The following KATNAL1 variants were observed in gnomAD, a reference collection of about 807,000 sequenced individuals.
KATNAL1 encodes katanin catalytic subunit A1 like 1, also known as katanin p60 ATPase-containing subunit A-like 1.
KATNAL1 carries 32 observed loss-of-function variants against 55.2 expected under a neutral mutation model. The ratio of observed to expected loss-of-function variants is 0.58; its 90% CI spans 0.44 to 0.78. The LOEUF (loss-of-function observed/expected upper bound fraction) is 0.78, where lower values mean the gene tolerates loss of function less well. KATNAL1 is among the 30% of genes least tolerant of loss of function. The pLI, the probability that KATNAL1 is intolerant of heterozygous loss-of-function variation, is 0.00. For missense variants in KATNAL1, 466 were observed against 600.9 expected (o/e 0.78, Z 2.35); for synonymous variants, 193 against 193.6 (o/e 1.00, Z 0.02).
intron 1 of KATNAL1, among the ~76,000 whole-genome samples, chr13:30,287,781 T>C (rs1293941897): frequency 6.6e-6 from 1 of 152,174 alleles, no homozygotes; most frequent in Non-Finnish European, 1.5e-5. Flanking sequence ...TAAATCCTAC[T>C]TACAAATACA....
In KATNAL1 at chr13:30,247,073, T is replaced by C. The variant is rs186526480; in HGVS notation, c.493-5987A>G. Among the ~76,000 whole-genome samples, 7 of 152,228 alleles carry C rather than the reference T, an allele frequency of 4.6e-5. No homozygotes were observed. In the East Asian group the frequency reaches 1.2e-3, roughly 25 times the overall value. On this transcript the variant is annotated intron_variant, in intron 4 of 10. Transcript: ENST00000380615. ...ACTCTTATTATTTCCATCTCATAGA[T>C]GAGAAAACCAAGGCACAGAAAAGGT...
chr13:30,209,210 A>G (rs1446653880), intron 10 of KATNAL1, among the ~76,000 whole-genome samples: 2 of 152,198 alleles, frequency 1.3e-5, no homozygotes, highest in Admixed American at 6.5e-5. Context: ...AATTCCCTAC[A>G]TGGAGTATTT....
intron 3 of KATNAL1, among the ~76,000 whole-genome samples, chr13:30,270,523 G>A (rs550464356): frequency 1.9e-4 from 29 of 152,272 alleles, no homozygotes; most frequent in African/African-American, 6.5e-4. Context: ...GATGGTTGCC[G>A]TGTCTGTGTA....
rs189199444 is a variant in KATNAL1 at position 30,233,528 on chromosome 13, T to C, written c.727-2056A>G. On this transcript the variant is annotated intron_variant, in intron 6 of 10. Transcript: ENST00000380615. ...GTGGGAGCCACTGTGGAAAACTGTG[T>C]GGAGGTTCCTCAAAAAACTAAAAGC... Among the ~76,000 whole-genome samples the C allele has an allele frequency of 2.5e-4, 38 of 151,668 alleles. No homozygotes were observed. The East Asian group carries it at 6.4e-3, about 26-fold the overall frequency.
At chr13:30,275,863 A>G (rs1880802741) in intron 3 of KATNAL1, among the ~76,000 whole-genome samples, 1 of 152,124 alleles carries the variant, frequency 6.6e-6, no homozygotes, top group Non-Finnish European at 1.5e-5. Flanking sequence ...ACCTCAATAA[A>G]GTTGGGGGAA....
At chr13:30,279,987 A>G in intron 3 of KATNAL1, 76 bp downstream of exon 3, 2 of 1,305,378 alleles carry the variant, frequency 1.5e-6, no homozygotes, top group Non-Finnish European at 2.1e-6. Context: ...AATTTTTCAT[A>G]CTTTGTTCAA....
At chr13:30,240,421 T>G (rs779897426) in intron 6 of KATNAL1, 39 bp downstream of exon 6, 15 of 1,338,504 alleles carry the variant, frequency 1.1e-5, no homozygotes, top group Admixed American at 1.7e-5. Context: ...CAGTGCCAAG[T>G]AGCATTCTTA....
At position 30,228,667 on chromosome 13, in the gene KATNAL1, A is replaced by G. The variant is rs372481031; in HGVS notation, c.1013-1121T>C. Among the ~76,000 whole-genome samples the G allele has an allele frequency of 3.9e-5, 6 of 152,382 alleles. No homozygotes were observed. The East Asian group carries it at 1.2e-3, about 29-fold the overall frequency. ...CTCACTGAGGGAAGGGTCTCATAGT[A>G]CATTGTAAGTATTCAGTAAGTATCC... On this transcript the variant is annotated intron_variant, in intron 8 of 10. Transcript: ENST00000380615.
At chr13:30,303,274 A>C (rs1882975313) in intron 1 of KATNAL1, among the ~76,000 whole-genome samples, 1 of 152,226 alleles carries the variant, frequency 6.6e-6, no homozygotes, top group Non-Finnish European at 1.5e-5. Context: ...CATTTTTTTT[A>C]AACTACTCTC....
At chr13:30,240,811 G>C (rs1185592212) in intron 5 of KATNAL1, 148 bp downstream of exon 5, 1 of 809,214 alleles carries the variant, frequency 1.2e-6, no homozygotes, top group African/African-American at 1.7e-5. Context: ...GGTTACATTC[G>C]ACAGAACTGT....
intron 9 of KATNAL1, among the ~76,000 whole-genome samples, chr13:30,212,061 A>C (rs1873743190): frequency 6.6e-6 from 1 of 152,248 alleles, no homozygotes; most frequent in South Asian, 2.1e-4. Context: ...GTGCACAAAA[A>C]TCAGTGCCAG....
chr13:30,285,279 T>G (rs1022779249), intron 1 of KATNAL1, among the ~76,000 whole-genome samples: 1 of 152,058 alleles, frequency 6.6e-6, no homozygotes, highest in African/African-American at 2.4e-5. Context: ...CTAATACGGG[T>G]TGGCTCTGTG....
intron 6 of KATNAL1, among the ~76,000 whole-genome samples, chr13:30,239,842 C>T (rs900327232): frequency 1.3e-5 from 2 of 151,822 alleles, no homozygotes; most frequent in East Asian, 1.9e-4. Flanking sequence ...TGCACCACCA[C>T]GCCCAGCTAA....
chr13:30,222,704 C>G (rs1028188727), intron 9 of KATNAL1, among the ~76,000 whole-genome samples: 1 of 152,116 alleles, frequency 6.6e-6, no homozygotes, highest in African/African-American at 2.4e-5. Context: ...AAGGGGGGTA[C>G]AGAGAAACAA....
Position 30,255,623 on chromosome 13 carries a change from A to C in KATNAL1, c.324-8T>G. Reference sequence around the variant, plus strand: ...CTGATCTGAGGTGGAGCTCTGACAAAAAAAAAAAAAAAAAAATTAAAATTA... The same window carrying C: ...CTGATCTGAGGTGGAGCTCTGACAACAAAAAAAAAAAAAAAATTAAAATTA... On this transcript the variant is annotated splice_region_variant and splice_polypyrimidine_tract_variant and intron_variant, in intron 3 of 10. Transcript: ENST00000380615. The C allele has an allele frequency of 6.0e-6, 5 of 834,014 alleles. No individual in the cohort carries two copies. The highest frequency in any genetic ancestry group is 8.2e-6 in the Non-Finnish European group (5 of 609,940). The allele number at this position is 834,014 out of a possible 1,614,324, so 51.7% of individuals were successfully genotyped here. A position where few individuals can be genotyped will look rare whatever the true frequency, so the allele number is the denominator to read the frequency against.
rs1883246167 is a variant in KATNAL1, at chr13:30,307,329, A to C, written c.-15+2T>G. The C allele has an allele frequency of 6.5e-6, 1 of 153,132 alleles. No individual in the cohort carries two copies. Among genetic ancestry groups the C allele is most frequent in the Admixed American group, 6.5e-5 (1 of 15,288 alleles). The allele number at this position is 153,132 out of a possible 1,614,324, so 9.5% of individuals were successfully genotyped here. On this transcript the variant is annotated splice_donor_variant, in intron 1 of 10. Coordinates refer to ENST00000380615, the MANE Select transcript of KATNAL1 (RefSeq NM_032116.5). LOFTEE classifies it low-confidence loss of function (5UTR_SPLICE). ...CTCGCCCCTTTCTCTCGGATTCATTACCCAGAAGGCGCAGGTCCGGGCACA... is the reference window on the plus strand; with the variant it reads ...CTCGCCCCTTTCTCTCGGATTCATTCCCCAGAAGGCGCAGGTCCGGGCACA...
In KATNAL1 at chr13:30,231,370, G is replaced by C. The variant is rs368172466; in HGVS notation, c.829C>G (p.Leu277Val). ...TTFFNVSSST[L>V]TSKYRGESEK... ...GATTCACCTCTGTATTTAGATGTCAGTGTAGAAGACGAAACGTTGAAGAAT... is the reference window on the plus strand; with the variant it reads ...GATTCACCTCTGTATTTAGATGTCACTGTAGAAGACGAAACGTTGAAGAAT... The change falls in exon 7 of 11, where the codon CTG (leucine) becomes GTG (valine). Residue 277 changes from leucine (L) to valine (V), a missense_variant. This residue lies in a region of KATNAL1 where 213 missense variants were observed against 308.6 expected (regional missense o/e 0.69). Coordinates refer to ENST00000380615, the MANE Select transcript of KATNAL1 (RefSeq NM_032116.5). The C allele has an allele frequency of 1.9e-5, 30 of 1,609,840 alleles. No individual in the cohort carries two copies. The highest frequency in any genetic ancestry group is 2.1e-5 in the Non-Finnish European group (25 of 1,178,020).
Position 30,227,429 on chromosome 13 carries a change from T to C in KATNAL1, c.1130A>G (p.Tyr377Cys). 6 of 1,613,996 alleles carry C rather than the reference T, an allele frequency of 3.7e-6. No individual in the cohort carries two copies. The highest frequency in any genetic ancestry group is 5.1e-6 in the Non-Finnish European group (6 of 1,179,922). The part of the protein sequence containing the change: ...ALRRRLEKRI[Y>C]IPLPTAKGRA... ...CATCATACCTGTTGGGAGAGGTATA[T>C]ATATCCTTTTTTCTAACCTTCTTCG... The change falls in exon 9 of 11, where the codon TAT becomes TGT. Residue 377 changes from tyrosine (Y) to cysteine (C), a missense_variant. Tyr to Cys is a radical substitution (Grantham distance 194). Around this residue, in one of 3 missense-constraint regions of KATNAL1, gnomAD observed 213 missense variants for 308.6 expected, o/e 0.69. Transcript: ENST00000380615.
chr13:30,264,191 G>A (rs1879549826), intron 3 of KATNAL1, among the ~76,000 whole-genome samples: 1 of 150,490 alleles, frequency 6.6e-6, no homozygotes, highest in African/African-American at 2.4e-5. Flanking sequence ...AGCTGAAACT[G>A]GATCCCTTCC....
Sources: gnomAD v4.1 joint callset for allele counts (sites outside exome capture counted in the v4.1 genomes callset) on GRCh38, gnomAD v4.1.1 for gene constraint, gnomAD v4.1.1 regional missense constraint, MANE v1.5 for transcripts, NCBI Gene and HGNC (gene_info 2026-07-23, HGNC 2026-07-21) for gene names.